TXNIP: variants seen among roughly 807,000 people sequenced by gnomAD.
TXNIP encodes the protein thioredoxin-interacting protein.
TXNIP carries 23 observed loss-of-function variants against 43.9 expected under a neutral mutation model. The ratio of observed to expected loss-of-function variants is 0.52; its 90% CI spans 0.38 to 0.74. The LOEUF (loss-of-function observed/expected upper bound fraction) is 0.74. Ranked by LOEUF, TXNIP falls within the 30% of genes least tolerant of loss-of-function variation. TXNIP has a pLI of 0.00. For missense variants in TXNIP, 555 were observed against 485.4 expected, an observed-to-expected ratio of 1.14 and a Z score of -1.35; for synonymous variants, 234 against 172.2, an observed-to-expected ratio of 1.36 and a Z score of -2.81.
rs751580661 is a variant in TXNIP at position 145,993,662 on chromosome 1, C to T, written c.*189G>A. Reference sequence around the variant, plus strand: ...CCCTGTATCACAACATGGGCGCTGGCTGAGGATGAGTCCGCATCCTTTAAG... The same window carrying T: ...CCCTGTATCACAACATGGGCGCTGGTTGAGGATGAGTCCGCATCCTTTAAG... On this transcript the variant is annotated 3_prime_UTR_variant, in exon 8 of 8. Coordinates refer to ENST00000582401, the MANE Select transcript of TXNIP (RefSeq NM_006472.6). 1.8e-3 allele frequency: 1,096 copies of T among 609,694 alleles called. 2 individuals carry two copies. The highest frequency in any genetic ancestry group is 2.4e-3 in the Non-Finnish European group (849 of 351,846). The allele number at this position is 609,694 out of a possible 1,614,324, so 37.8% of individuals were successfully genotyped here.
Position 145,994,665 on chromosome 1 carries a change from A to T in TXNIP, c.710T>A (p.Val237Asp), listed in dbSNP as rs782641760. Residue 237 changes from valine (V) to aspartate (D), a missense_variant, in exon 5 of 8, where the codon GTC (valine) becomes GAC (aspartate). Val to Asp is a radical substitution (Grantham distance 152). Transcript: ENST00000582401. Reference protein sequence around the residue: ...TKVLTQKLSSVRGNHIISGTC... With the variant: ...TKVLTQKLSSDRGNHIISGTC... ...CCCTGAGATAATATGATTGCCTCTGACTGATGACAACTTCTGAGTCAGCAC... is the reference window on the plus strand; with the variant it reads ...CCCTGAGATAATATGATTGCCTCTGTCTGATGACAACTTCTGAGTCAGCAC... The T allele has an allele frequency of 6.2e-7, 1 of 1,614,198 alleles. No homozygotes were observed. The highest frequency in any genetic ancestry group is 8.5e-7 in the Non-Finnish European group (1 of 1,180,036).
chr1:145,996,388 G>C lies in TXNIP; in HGVS notation c.-122C>G. On this transcript the variant is annotated 5_prime_UTR_variant, in exon 1 of 8. Transcript: ENST00000582401. ...TAAGGAATTAAGGTATTCTTAAGCA[G>C]TTTGAGCTTAAAAATAAAATAAGAT... The C allele has an allele frequency of 3.3e-6, 4 of 1,199,598 alleles. No individual in the cohort carries two copies. The highest frequency in any genetic ancestry group is 4.7e-6 in the Non-Finnish European group (4 of 856,488). The allele number at this position is 1,199,598 out of a possible 1,614,324, so 74.3% of individuals were successfully genotyped here.
chr1:145,995,106 A>T, intron 3 of TXNIP, 38 bp downstream of exon 3: 1 of 1,613,758 alleles, frequency 6.2e-7, no homozygotes, highest in Non-Finnish European at 8.5e-7. Context: ...TATCATCCTC[A>T]TGACCCAGGA....
rs111957558 is a variant in TXNIP at position 145,996,234 on chromosome 1, C to T, written c.33G>A (p.Glu11=). 1.5e-5 allele frequency: 25 copies of T among 1,613,912 alleles called. No homozygotes were observed. The highest frequency in any genetic ancestry group is 1.3e-4 in the African/African-American group (10 of 74,844). MVMFKKIKSF[E]VVFNDPEKVY... ...CCTTTTCAGGGTCGTTAAAGACCAC[C>T]TCAAAAGACTTGATCTTCTTGAACA... Residue 11 remains glutamate (E), a synonymous_variant, in exon 1 of 8, where the codon GAG becomes GAA. Coordinates refer to ENST00000582401, the MANE Select transcript of TXNIP (RefSeq NM_006472.6).
Position 145,996,377 on chromosome 1 carries a change from A to G in TXNIP, c.-111T>C, listed in dbSNP as rs879986927. ...TTATTTCACTTTAAGGAATTAAGGT[A>G]TTCTTAAGCAGTTTGAGCTTAAAAA... On this transcript the variant is annotated 5_prime_UTR_variant, in exon 1 of 8. Coordinates refer to ENST00000582401, the MANE Select transcript of TXNIP (RefSeq NM_006472.6). 2.3e-6 allele frequency: 3 copies of G among 1,280,508 alleles called. No individual in the cohort carries two copies. Among genetic ancestry groups the G allele is most frequent in the South Asian group, 2.9e-5 (2 of 68,578 alleles). The allele number at this position is 1,280,508 out of a possible 1,614,324, so 79.3% of individuals were successfully genotyped here.
In TXNIP at chr1:145,996,112, G is replaced by C. The variant is rs782430981; in HGVS notation, c.155C>G (p.Ala52Gly). 7.4e-6 allele frequency: 12 copies of C among 1,614,010 alleles called. No homozygotes were observed. Among genetic ancestry groups the C allele is most frequent in the Non-Finnish European group, 9.3e-6 (11 of 1,180,012 alleles). Residue 52 changes from alanine (A) to glycine (G), a missense_variant, in exon 1 of 8, where the codon GCT becomes GGT. By Grantham distance (60) the Ala-to-Gly change is moderately conservative. Coordinates refer to ENST00000582401, the MANE Select transcript of TXNIP (RefSeq NM_006472.6). ...GGATCCCTGCATCCAAAGCACTTTA[G>C]CCACTCCGCAAGCCAGGATCCTAAC... is the stretch of plus-strand genomic sequence containing the variant. ...KAVRILACGV[A>G]KVLWMQGSQQ...
rs1651376515 is a variant in TXNIP, at chr1:145,994,682, A to G, written c.693T>C (p.Thr231=). Residue 231 remains threonine, a synonymous_variant, in exon 5 of 8, where the codon ACT becomes ACC. Coordinates refer to ENST00000582401, the MANE Select transcript of TXNIP (RefSeq NM_006472.6). The part of the protein sequence containing the change: ...YLANGQTKVL[T]QKLSSVRGNH... ...TGCCTCTGACTGATGACAACTTCTG[A>G]GTCAGCACCTTGGTCTGGCCATTGG... 2 of 1,614,084 alleles carry G rather than the reference A, an allele frequency of 1.2e-6. No individual in the cohort carries two copies. The highest frequency in any genetic ancestry group is 1.1e-5 in the South Asian group (1 of 91,088).
chr1:145,994,217 A>AC, intron 6 of TXNIP, 50 bp from the exon 7 acceptor site: 1 of 1,613,004 alleles, frequency 6.2e-7, no homozygotes, highest in South Asian at 1.1e-5. Context: ...GAAATGCTGG[A>AC]CCATCACAAT....
intron 1 of TXNIP, chr1:145,995,741 G>A (rs1651482826): frequency 6.6e-6 from 4 of 608,396 alleles, no homozygotes; most frequent in East Asian, 5.5e-5. Flanking sequence ...AGTAGACAAA[G>A]AATAAGCAAC....
At position 145,996,282 on chromosome 1, in the gene TXNIP, GTT is replaced by G. The variant is rs1488658803; in HGVS notation, c.-18_-17del. The G allele has an allele frequency of 2.8e-5, 45 of 1,601,390 alleles. No individual in the cohort carries two copies. Among genetic ancestry groups the G allele is most frequent in the Non-Finnish European group, 3.8e-5 (44 of 1,172,586 alleles). ...ACATCACCATGATGGAACTGAGTTG[GTT>G]TTAAGAGTTAGAAATGACGGTGGAA... On this transcript the variant is annotated 5_prime_UTR_variant, in exon 1 of 8. Transcript: ENST00000582401.
rs1553765796 is a variant in TXNIP, at chr1:145,993,878, G to T, written c.1149C>A (p.Pro383=). 6.2e-7 allele frequency: 1 copy of T among 1,614,000 alleles called. No individual in the cohort carries two copies. Among genetic ancestry groups the T allele is most frequent in the African/African-American group, 1.3e-5 (1 of 74,900 alleles). ...MPPPTYTEVD[P]CILNNNVQ ...ACTGCACATTGTTGTTGAGGATGCAGGGATCCACCTAAAGAAAGAAACAGA... is the reference window on the plus strand; with the variant it reads ...ACTGCACATTGTTGTTGAGGATGCATGGATCCACCTAAAGAAAGAAACAGA... The change falls in exon 8 of 8, where the codon CCC becomes CCA. Residue 383 remains proline, a synonymous_variant. Coordinates refer to ENST00000582401, the MANE Select transcript of TXNIP (RefSeq NM_006472.6).
At chr1:145,995,533 CTG>C in intron 1 of TXNIP, 57 bp from the exon 2 acceptor site, 2 of 1,523,238 alleles carry the variant, frequency 1.3e-6, no homozygotes, top group Non-Finnish European at 1.8e-6. Context: ...TAAAATGCAT[CTG>C]TGTGATAAGG....
At chr1:145,995,810 A>C in intron 1 of TXNIP, 1 of 685,960 alleles carries the variant, frequency 1.5e-6, no homozygotes, top group Non-Finnish European at 2.4e-6. Flanking sequence ...CCCCTTTAGG[A>C]CACAGCACCA....
At chr1:145,993,967 C>G (rs1489428094) in intron 7 of TXNIP, 49 bp downstream of exon 7, 1 of 1,613,580 alleles carries the variant, frequency 6.2e-7, no homozygotes, top group African/African-American at 1.3e-5. Context: ...AAGTCAACTT[C>G]TTATAGAAAG....
chr1:145,995,702 A>G, intron 1 of TXNIP: 1 of 614,384 alleles, frequency 1.6e-6, no homozygotes, highest in African/African-American at 1.8e-5. Flanking sequence ...TTCACCCAGG[A>G]CAGTTCTCTA....
At position 145,994,662 on chromosome 1, in the gene TXNIP, C is replaced by T. The variant is rs1237702736; in HGVS notation, c.713G>A (p.Arg238Lys). 6.2e-6 allele frequency: 10 copies of T among 1,614,096 alleles called. No individual in the cohort carries two copies. The highest frequency in any genetic ancestry group is 2.2e-5 in the East Asian group (1 of 44,904). ...TGTCCCTGAGATAATATGATTGCCT[C>T]TGACTGATGACAACTTCTGAGTCAG... The part of the protein sequence containing the change: ...KVLTQKLSSV[R>K]GNHIISGTCA... Residue 238 changes from arginine to lysine, a missense_variant, in exon 5 of 8, where the codon AGA becomes AAA. Arg to Lys is a conservative substitution (Grantham distance 26). Coordinates refer to ENST00000582401, the MANE Select transcript of TXNIP (RefSeq NM_006472.6).
Position 145,995,422 on chromosome 1 carries a change from C to A in TXNIP, c.305G>T (p.Gly102Val). 1 of 1,613,892 alleles carries A rather than the reference C, an allele frequency of 6.2e-7. No individual in the cohort carries two copies. Among genetic ancestry groups the A allele is most frequent in the South Asian group, 1.1e-5 (1 of 90,978 alleles). The change falls in exon 2 of 8, where the codon GGC (glycine) becomes GTC (valine). Residue 102 changes from glycine (G) to valine (V), a missense_variant. Physicochemically the swap from Gly to Val is moderately radical, Grantham distance 109. Coordinates refer to ENST00000582401, the MANE Select transcript of TXNIP (RefSeq NM_006472.6). ...RPGNKYEYKF[G>V]FELPQGPLGT... is the part of the protein sequence containing the mutation. ...TATTTACCCCTGAGGAAGCTCAAAGCCGAACTTGTACTCATATTTGTTTCC... is the reference window on the plus strand; with the variant it reads ...TATTTACCCCTGAGGAAGCTCAAAGACGAACTTGTACTCATATTTGTTTCC...
At position 145,994,171 on chromosome 1, in the gene TXNIP, G is replaced by A. The variant is rs782069818; in HGVS notation, c.989-4C>T. ...ACATCCATATAGCAGGGAGGAGCTAGAAAAGAAAATATGGCCACATAAGAA... is the reference window on the plus strand; with the variant it reads ...ACATCCATATAGCAGGGAGGAGCTAAAAAAGAAAATATGGCCACATAAGAA... On this transcript the variant is annotated splice_polypyrimidine_tract_variant and splice_region_variant and intron_variant, in intron 6 of 7. Coordinates refer to ENST00000582401, the MANE Select transcript of TXNIP (RefSeq NM_006472.6). 2 of 1,613,904 alleles carry A rather than the reference G, an allele frequency of 1.2e-6. No individual in the cohort carries two copies. Among genetic ancestry groups the A allele is most frequent in the Non-Finnish European group, 1.7e-6 (2 of 1,179,920 alleles).
Position 145,993,144 on chromosome 1 carries a change from C to CAG in TXNIP, c.*705_*706dup, listed in dbSNP as rs1172659571. The CAG allele has an allele frequency of 2.0e-5, 3 of 152,626 alleles. No individual in the cohort carries two copies. Among genetic ancestry groups the CAG allele is most frequent in the Non-Finnish European group, 2.9e-5 (2 of 68,046 alleles). The allele number at this position is 152,626 out of a possible 1,614,324, so 9.5% of individuals were successfully genotyped here. A position where few individuals can be genotyped will look rare whatever the true frequency, so the allele number is the denominator to read the frequency against. On this transcript the variant is annotated 3_prime_UTR_variant, in exon 8 of 8. Coordinates refer to ENST00000582401, the MANE Select transcript of TXNIP (RefSeq NM_006472.6). Reference sequence around the variant, plus strand: ...TGAAAATATTTGCAGTAGGAGAACACAGTGCAATAGGCTCCAAAAATGGCT... The same window carrying CAG: ...TGAAAATATTTGCAGTAGGAGAACACAGAGTGCAATAGGCTCCAAAAATGGCT...
Sources: allele counts gnomAD v4.1 joint callset, GRCh38; gene constraint gnomAD v4.1.1; transcripts MANE v1.5; gene names NCBI Gene and HGNC (gene_info 2026-07-23, HGNC 2026-07-21).